Variants in BCL6B observed in about 807,000 individuals in gnomAD.
BCL6B encodes B-cell CLL/lymphoma 6 member B protein.
A neutral mutation model predicts 44.6 loss-of-function variants in BCL6B; 28 were observed. The observed-to-expected ratio is 0.63, with a 90% CI of 0.47 to 0.86. BCL6B has a LOEUF of 0.86. Among genes scored for constraint, BCL6B ranks in the 40% least tolerant of loss-of-function variants. The pLI, the probability that BCL6B is intolerant of heterozygous loss-of-function variation, is 0.00. For missense variants in BCL6B, 626 were observed against 652.3 expected, an observed-to-expected ratio of 0.96 and a Z score of 0.44; for synonymous variants, 268 against 263.6, an observed-to-expected ratio of 1.02 and a Z score of -0.16.
rs764920860 is a variant in BCL6B, at chr17:7,025,123, C to A, written c.812C>A (p.Ala271Asp). The change falls in exon 5 of 9, where the codon GCC becomes GAC. Residue 271 changes from alanine to aspartate, a missense_variant. Transcript: ENST00000293805. ...GTGCAGTTCAAATGTGGGGCTCCAG[C>A]CAGTACCCCCTACCTCCTCACATCC... ...ATVQFKCGAP[A>D]STPYLLTSQA... 1 of 1,614,106 alleles carries A rather than the reference C, an allele frequency of 6.2e-7. No homozygotes were observed. Among genetic ancestry groups the A allele is most frequent in the Non-Finnish European group, 8.5e-7 (1 of 1,179,980 alleles).
At position 7,024,906 on chromosome 17, in the gene BCL6B, C is replaced by G. The variant is rs920163623; in HGVS notation, c.764+143C>G. The stretch of plus-strand genomic sequence containing the variant: ...TCACCTTAAGGAGCTGGCCAGAGAC[C>G]AGGTTTATTCAGCAGGGTGGCACTT... On this transcript the variant is annotated intron_variant, in intron 4 of 8. Transcript: ENST00000293805. This position sits in a 1 kb window ranked among gnomAD's most constrained non-coding sequence, Gnocchi z 6.6. 2.7e-6 allele frequency: 4 copies of G among 1,459,956 alleles called. No individual in the cohort carries two copies. The South Asian group carries it at 4.1e-5, about 15-fold the overall frequency. The allele number at this position is 1,459,956 out of a possible 1,614,324, so 90.4% of individuals were successfully genotyped here.
chr17:7,023,800 G>A lies in BCL6B; in HGVS notation c.129G>A (p.Leu43=). ...LRGILTDVTL[L]VGGQPLRAHK... is the part of the protein sequence containing the mutation. ...GGATCCTCACTGACGTCACGCTGCTGGTTGGCGGGCAACCCCTCAGAGCAC... is the reference window on the plus strand; with the variant it reads ...GGATCCTCACTGACGTCACGCTGCTAGTTGGCGGGCAACCCCTCAGAGCAC... Residue 43 remains leucine (L), a synonymous_variant, in exon 2 of 9, where the codon CTG becomes CTA. Coordinates refer to ENST00000293805, the MANE Select transcript of BCL6B (RefSeq NM_181844.4). The A allele has an allele frequency of 6.2e-7, 1 of 1,613,374 alleles. No individual in the cohort carries two copies.
rs1280285468 is a variant in BCL6B at position 7,024,976 on chromosome 17, A to T, written c.765-100A>T. 1 of 1,529,646 alleles carries T rather than the reference A, an allele frequency of 6.5e-7. No homozygotes were observed. The highest frequency in any genetic ancestry group is 8.8e-7 in the Non-Finnish European group (1 of 1,136,332). The allele number at this position is 1,529,646 out of a possible 1,614,324, so 94.8% of individuals were successfully genotyped here. A position where few individuals can be genotyped will look rare whatever the true frequency, so the allele number is the denominator to read the frequency against. On this transcript the variant is annotated intron_variant, in intron 4 of 8. Coordinates refer to ENST00000293805, the MANE Select transcript of BCL6B (RefSeq NM_181844.4). The surrounding 1 kb of genome is among the most constrained non-coding windows in gnomAD (Gnocchi z 6.6). ...GCTCATTGGTCAACAATATTGGCTCACCCTGAGAGGGCAGGCCTTTGGCTC... is the reference window on the plus strand; with the variant it reads ...GCTCATTGGTCAACAATATTGGCTCTCCCTGAGAGGGCAGGCCTTTGGCTC...
chr17:7,028,631 G>C lies in BCL6B; in HGVS notation c.*1012G>C. ...CAAGTGGAGTCCATCATCCTCCCAC[G>C]GGGGCCTGTTCTTAGCACTGAGTTG... On this transcript the variant is annotated 3_prime_UTR_variant, in exon 9 of 9. Coordinates refer to ENST00000293805, the MANE Select transcript of BCL6B (RefSeq NM_181844.4). 18 of 985,432 alleles carry C rather than the reference G, an allele frequency of 1.8e-5. No individual in the cohort carries two copies. The highest frequency in any genetic ancestry group is 2.2e-5 in the Non-Finnish European group (18 of 829,946). 61.0% of individuals were successfully genotyped at this position (985,432 alleles called of 1,614,324 possible).
chr17:7,025,044 C>G lies in BCL6B; in HGVS notation c.765-32C>G, dbSNP rs201664548. The G allele has an allele frequency of 1.5e-5, 24 of 1,610,272 alleles. No individual in the cohort carries two copies. In the African/African-American group the frequency reaches 2.4e-4, roughly 16 times the overall value. On this transcript the variant is annotated intron_variant, in intron 4 of 8. Coordinates refer to ENST00000293805, the MANE Select transcript of BCL6B (RefSeq NM_181844.4). ...AACCCCCACCCCTCAACCGTACAAT[C>G]TCTTTTAACCCTTTCCTTGCCATCT...
chr17:7,026,503 C>T lies in BCL6B; in HGVS notation c.936C>T (p.Cys312=). The change falls in exon 6 of 9, where the codon TGC becomes TGT. Residue 312 remains cysteine (C), a synonymous_variant. Coordinates refer to ENST00000293805, the MANE Select transcript of BCL6B (RefSeq NM_181844.4). ...SCQNCEAVAG[C]SSGLDSLVPG... ...AGAACTGTGAGGCTGTGGCAGGGTG[C>T]TCATCGGGGCTGGACTCCTTGGTTC... The T allele has an allele frequency of 6.2e-7, 1 of 1,614,182 alleles. No homozygotes were observed. Among genetic ancestry groups the T allele is most frequent in the Non-Finnish European group, 8.5e-7 (1 of 1,179,998 alleles).
intron 8 of BCL6B, among the ~76,000 whole-genome samples, 157 bp downstream of exon 8, chr17:7,027,244 A>T (rs1910323344): frequency 6.6e-6 from 1 of 152,168 alleles, no homozygotes; most frequent in Admixed American, 6.5e-5. Context: ...GCTGGGAGTC[A>T]GGATGGGCAG....
chr17:7,027,012 C>G lies in BCL6B; in HGVS notation c.1248C>G (p.Thr416=), dbSNP rs1488995015. 6.2e-7 allele frequency: 1 copy of G among 1,613,722 alleles called. No individual in the cohort carries two copies. The highest frequency in any genetic ancestry group is 8.5e-7 in the Non-Finnish European group (1 of 1,179,998). The change falls in exon 8 of 9, where the codon ACC becomes ACG. Residue 416 remains threonine (T), a synonymous_variant. Transcript: ENST00000293805. ...HTGEKPYPCP[T]CGTRFRHLQT... ...GGGAGAAGCCCTACCCTTGCCCTAC[C>G]TGCGGAACCCGCTTCCGCCACCTGC...
chr17:7,026,171 C>A (rs1348644094), intron 5 of BCL6B, among the ~76,000 whole-genome samples: 2 of 152,146 alleles, frequency 1.3e-5, no homozygotes, highest in African/African-American at 4.8e-5. Context: ...CCGACCGCCT[C>A]GGCCTCCCAA....
At chr17:7,026,007 C>T (rs1235202275) in intron 5 of BCL6B, among the ~76,000 whole-genome samples, 1 of 152,100 alleles carries the variant, frequency 6.6e-6, no homozygotes, top group Non-Finnish European at 1.5e-5. Flanking sequence ...CTACAACCTC[C>T]ACATCCCAGG....
At position 7,028,948 on chromosome 17, in the gene BCL6B, T is replaced by G. The variant is rs1337441586; in HGVS notation, c.*1329T>G. The G allele has an allele frequency of 1.1e-5, 11 of 985,458 alleles. No homozygotes were observed. Among genetic ancestry groups the G allele is most frequent in the Non-Finnish European group, 1.3e-5 (11 of 829,932 alleles). The allele number at this position is 985,458 out of a possible 1,614,324, so 61.0% of individuals were successfully genotyped here. On this transcript the variant is annotated 3_prime_UTR_variant, in exon 9 of 9. Coordinates refer to ENST00000293805, the MANE Select transcript of BCL6B (RefSeq NM_181844.4). ...TCTTTTCCTCTAGAAGGGATGGTGC[T>G]TGGTAACCTTACCTTTTAAAAGCTG...
chr17:7,026,651 G>A, intron 6 of BCL6B, 30 bp downstream of exon 6: 1 of 1,614,102 alleles, frequency 6.2e-7, no homozygotes, highest in Non-Finnish European at 8.5e-7. Context: ...TGGCCTTCAA[G>A]CCCACAGCTG....
chr17:7,026,312 G>C, intron 5 of BCL6B, 145 bp from the exon 6 acceptor site: 1 of 1,018,756 alleles, frequency 9.8e-7, no homozygotes, highest in Non-Finnish European at 1.5e-6. Flanking sequence ...TTCTTACTTG[G>C]CCTTGAGCAA....
At position 7,029,462 on chromosome 17, in the gene BCL6B, C is replaced by T. The variant is rs1356424549; in HGVS notation, c.*1843C>T. On this transcript the variant is annotated 3_prime_UTR_variant, in exon 9 of 9. Coordinates refer to ENST00000293805, the MANE Select transcript of BCL6B (RefSeq NM_181844.4). ...GAGAAAGCTACTCTTCTCCCTCTTC[C>T]CTCTTTCTCCCCATGGCCCCACTGC... 1.4e-5 allele frequency: 14 copies of T among 1,036,506 alleles called. No homozygotes were observed. The highest frequency in any genetic ancestry group is 1.5e-5 in the Non-Finnish European group (13 of 859,392). The allele number at this position is 1,036,506 out of a possible 1,614,324, so 64.2% of individuals were successfully genotyped here.
At chr17:7,026,857 G>A in intron 7 of BCL6B, 22 bp downstream of exon 7, 1 of 1,612,766 alleles carries the variant, frequency 6.2e-7, no homozygotes. Context: ...GCCTCCAAGT[G>A]GCTTCCAAGG....
rs371817749 is a variant in BCL6B at position 7,024,545 on chromosome 17, C to T, written c.546C>T (p.Pro182=). The change falls in exon 4 of 9, where the codon CCC becomes CCT. Residue 182 remains proline (P), a synonymous_variant. Transcript: ENST00000293805. The surrounding 1 kb of genome is among the most constrained non-coding windows in gnomAD (Gnocchi z 6.6). ...CTCGAAGCTGCAGTCAAGGCCCCCC[C>T]AGTCCAGCCAGCCCTGACCCCAAGG... The part of the protein sequence containing the change: ...TESRSCSQGP[P]SPASPDPKAC... 1.2e-6 allele frequency: 2 copies of T among 1,614,096 alleles called. No individual in the cohort carries two copies. Among genetic ancestry groups the T allele is most frequent in the Non-Finnish European group, 1.7e-6 (2 of 1,180,014 alleles).
At position 7,023,861 on chromosome 17, in the gene BCL6B, T is replaced by TGGGGCCTGGGGC; in HGVS notation, c.179+18_179+29dup. 1 of 619,070 alleles carries TGGGGCCTGGGGC rather than the reference T, an allele frequency of 1.6e-6. No individual in the cohort carries two copies. Among genetic ancestry groups the TGGGGCCTGGGGC allele is most frequent in the Non-Finnish European group, 2.8e-6 (1 of 360,822 alleles). 38.3% of individuals were successfully genotyped at this position (619,070 alleles called of 1,614,324 possible). On this transcript the variant is annotated intron_variant, in intron 2 of 8. Coordinates refer to ENST00000293805, the MANE Select transcript of BCL6B (RefSeq NM_181844.4). The stretch of plus-strand genomic sequence containing the variant: ...TCTCATCGCCTGCAGGTTCGAGGGG[T>TGGGGCCTGGGGC]GGGGCCTGGGGCGGGGCCAAATGGG...
At position 7,026,820 on chromosome 17, in the gene BCL6B, C is replaced by T. The variant is rs61731750; in HGVS notation, c.1170C>T (p.Gly390=). The change falls in exon 7 of 9, where the codon GGC becomes GGT. Residue 390 remains glycine (G), a synonymous_variant. Coordinates refer to ENST00000293805, the MANE Select transcript of BCL6B (RefSeq NM_181844.4). ...AGCCGTATAAGTGTGAGACGTGCGG[C>T]TCGCGCTTTGTACAGGTACGGAGCC... The part of the protein sequence containing the change: ...GEKPYKCETC[G]SRFVQVAHLR... 0.015 allele frequency: 24,152 copies of T among 1,613,986 alleles called. 674 individuals carry two copies. The highest frequency in any genetic ancestry group is 0.099 in the African/African-American group (7,412 of 75,028).
rs774597477 is a variant in BCL6B, at chr17:7,023,861, T to C, written c.179+11T>C. On this transcript the variant is annotated intron_variant, in intron 2 of 8. Transcript: ENST00000293805. ...TCTCATCGCCTGCAGGTTCGAGGGG[T>C]GGGGCCTGGGGCGGGGCCAAATGGG... 1 of 619,050 alleles carries C rather than the reference T, an allele frequency of 1.6e-6. No individual in the cohort carries two copies. The highest frequency in any genetic ancestry group is 1.4e-5 in the South Asian group (1 of 71,288). 38.3% of individuals were successfully genotyped at this position (619,050 alleles called of 1,614,324 possible).
Sources: allele counts gnomAD v4.1 joint callset (sites outside exome capture counted in the v4.1 genomes callset), GRCh38; gene constraint gnomAD v4.1.1; non-coding constraint Gnocchi (gnomAD v3.1); transcripts MANE v1.5; gene names NCBI Gene and HGNC (gene_info 2026-07-23, HGNC 2026-07-21).